VWA5B1: variants seen among roughly 807,000 people sequenced by gnomAD.
VWA5B1 encodes von Willebrand factor A domain-containing protein 5B1.
A neutral mutation model predicts 118.2 loss-of-function variants in VWA5B1; 115 were observed. That is an observed-to-expected ratio of 0.97 (90% CI 0.84 to 1.14). The LOEUF is 1.14. VWA5B1 is among the 50% of genes most tolerant of loss of function. VWA5B1 has a pLI of 0.00. For missense variants in VWA5B1, 1,596 were observed against 1,603.8 expected (o/e 1.00, Z 0.08); for synonymous variants, 682 against 658.4 (o/e 1.04, Z -0.55).
At chr1:20,330,083 G>C in intron 9 of VWA5B1, 97 bp from the exon 10 acceptor site, 1 of 1,384,142 alleles carries the variant, frequency 7.2e-7, no homozygotes, top group Non-Finnish European at 9.9e-7. Context: ...CTCTGGTGAG[G>C]CTAAAAGAAG....
chr1:20,295,644 C>G (rs1413987734), intron 1 of VWA5B1, among the ~76,000 whole-genome samples: 1 of 152,194 alleles, frequency 6.6e-6, no homozygotes, highest in Admixed American at 6.5e-5. Context: ...CAAGAGGTTC[C>G]TTCCCTGGGT....
chr1:20,326,537 C>T (rs925268019), intron 8 of VWA5B1, among the ~76,000 whole-genome samples: 5 of 152,116 alleles, frequency 3.3e-5, no homozygotes, highest in South Asian at 2.1e-4. Flanking sequence ...GTGATCTCGG[C>T]TCACTGCAGC....
At chr1:20,323,332 T>G (rs1041944088) in intron 7 of VWA5B1, 24 bp from the exon 8 acceptor site, 2 of 1,426,676 alleles carry the variant, frequency 1.4e-6, no homozygotes, top group Middle Eastern at 1.8e-4. Flanking sequence ...GATTGCCCAA[T>G]CAGAGTGTTC....
In VWA5B1 at chr1:20,355,912, G is replaced by C. The variant is rs2090222441; in HGVS notation, c.*1649G>C. ...TGCCTTGTGGACTGGCTCTGCTTCA[G>C]ACTTACCCTCTGGGGAGGAACCCAG... On this transcript the variant is annotated 3_prime_UTR_variant, in exon 22 of 22. Coordinates refer to ENST00000289815, the MANE Select transcript of VWA5B1 (RefSeq NM_001039500.3). 6.6e-6 allele frequency among the ~76,000 whole-genome samples: 1 copy of C among 151,676 alleles called. No homozygotes were observed. Among genetic ancestry groups the C allele is most frequent in the African/African-American group, 2.4e-5 (1 of 41,272 alleles).
At chr1:20,297,085 T>C (rs1473387488) in intron 1 of VWA5B1, among the ~76,000 whole-genome samples, 46 of 152,216 alleles carry the variant, frequency 3.0e-4, no homozygotes, top group Admixed American at 3.0e-3. Context: ...TATACAAAGA[T>C]CTCTGTCTTC....
rs545267435 is a variant in VWA5B1 at position 20,316,313 on chromosome 1, G to A, written c.564-1217G>A. On this transcript the variant is annotated intron_variant, in intron 4 of 21. Coordinates refer to ENST00000289815, the MANE Select transcript of VWA5B1 (RefSeq NM_001039500.3). ...CACGGACAGGGATATTCATGGTGGCGTTATTTGTGGATGCAGGGAGGCCGA... is the reference window on the plus strand; with the variant it reads ...CACGGACAGGGATATTCATGGTGGCATTATTTGTGGATGCAGGGAGGCCGA... Among the ~76,000 whole-genome samples, 425 of 152,270 alleles carry A rather than the reference G, an allele frequency of 2.8e-3. 4 individuals are homozygous for A. The highest frequency in any genetic ancestry group is 9.8e-3 in the African/African-American group (408 of 41,536).
intron 2 of VWA5B1, 91 bp from the exon 3 acceptor site, chr1:20,312,745 A>T (rs1307111424): frequency 7.1e-7 from 1 of 1,417,272 alleles, no homozygotes; most frequent in Non-Finnish European, 9.3e-7. Context: ...GCACCACCCA[A>T]CAGGCAGACC....
At chr1:20,342,316 G>C in intron 14 of VWA5B1, 116 bp from the exon 15 acceptor site, 4 of 1,096,758 alleles carry the variant, frequency 3.6e-6, no homozygotes, top group Non-Finnish European at 3.9e-6. Flanking sequence ...GGTGGGGTGG[G>C]GGTGGGGGAG....
intron 6 of VWA5B1, 103 bp downstream of exon 6, chr1:20,318,824 C>G: frequency 7.1e-7 from 1 of 1,402,984 alleles, no homozygotes; most frequent in Non-Finnish European, 9.3e-7. Context: ...GCTAGCTAGC[C>G]AGGGAAAGAG....
chr1:20,295,625 A>T (rs1411906730), intron 1 of VWA5B1, among the ~76,000 whole-genome samples: 1 of 151,952 alleles, frequency 6.6e-6, no homozygotes, highest in East Asian at 1.9e-4. Context: ...TGGGCACAGG[A>T]CTCTCTGCCA....
chr1:20,304,091 G>A (rs940858648), intron 1 of VWA5B1, among the ~76,000 whole-genome samples: 1 of 152,194 alleles, frequency 6.6e-6, no homozygotes, highest in African/African-American at 2.4e-5. Flanking sequence ...ACAGTCCAGG[G>A]AGCTGGAACA....
intron 1 of VWA5B1, among the ~76,000 whole-genome samples, chr1:20,308,505 A>AG: frequency 6.6e-6 from 1 of 151,996 alleles, no homozygotes; most frequent in Admixed American, 6.6e-5. Context: ...GAACATTGGG[A>AG]GGGGGGATGT....
At chr1:20,321,411 C>T (rs1274566272) in intron 7 of VWA5B1, among the ~76,000 whole-genome samples, 1 of 152,072 alleles carries the variant, frequency 6.6e-6, no homozygotes, top group Non-Finnish European at 1.5e-5. Flanking sequence ...ATGGCGAAAC[C>T]CCGTCTCTAC....
chr1:20,297,866 A>C (rs1342501374), intron 1 of VWA5B1, among the ~76,000 whole-genome samples: 2 of 152,158 alleles, frequency 1.3e-5, no homozygotes, highest in Non-Finnish European at 2.9e-5. Context: ...TTAAAATGGG[A>C]TAATAATCCG....
rs1017637938 is a variant in VWA5B1 at position 20,330,885 on chromosome 1, A to G, written c.1474A>G (p.Ile492Val). 6.4e-7 allele frequency: 1 copy of G among 1,551,618 alleles called. No individual in the cohort carries two copies. Among genetic ancestry groups the G allele is most frequent in the African/African-American group, 1.4e-5 (1 of 73,046 alleles). Residue 492 changes from isoleucine to valine, a missense_variant, in exon 11 of 22, where the codon ATT becomes GTT. Ile to Val is a conservative substitution (Grantham distance 29). Transcript: ENST00000289815. ...TTCCGCCAGGTGCTATAGCTTTGGAATTGGACCCAACGTCTGCCACAGACT... is the reference window on the plus strand; with the variant it reads ...TTCCGCCAGGTGCTATAGCTTTGGAGTTGGACCCAACGTCTGCCACAGACT... ...AFSTRCYSFGIGPNVCHRLVK... is the reference protein window; with the variant it reads ...AFSTRCYSFGVGPNVCHRLVK...
At chr1:20,318,448 C>T in intron 5 of VWA5B1, 142 bp from the exon 6 acceptor site, 1 of 1,207,008 alleles carries the variant, frequency 8.3e-7, no homozygotes, top group South Asian at 1.3e-5. Context: ...GCAGCCTGGC[C>T]ATGGTCACAC....
chr1:20,330,641 G>T (rs1190724646), intron 10 of VWA5B1, among the ~76,000 whole-genome samples: 1 of 152,242 alleles, frequency 6.6e-6, no homozygotes, highest in Non-Finnish European at 1.5e-5. Context: ...CAAGGGAGAG[G>T]CTGCTCCCGC....
chr1:20,292,370 G>A (rs2088328268), intron 1 of VWA5B1, among the ~76,000 whole-genome samples: 1 of 152,188 alleles, frequency 6.6e-6, no homozygotes. Context: ...GAGGCCACGA[G>A]GCTCTGTGGT....
At chr1:20,335,080 A>G (rs184716246) in intron 12 of VWA5B1, among the ~76,000 whole-genome samples, 51 of 152,200 alleles carry the variant, frequency 3.4e-4, no homozygotes, top group African/African-American at 1.2e-3. Flanking sequence ...AGGCCAAGGT[A>G]GGTGCCTGGC....
Sources: allele counts gnomAD v4.1 joint callset (sites outside exome capture counted in the v4.1 genomes callset), GRCh38; gene constraint gnomAD v4.1.1; transcripts MANE v1.5; gene names NCBI Gene and HGNC (gene_info 2026-07-23, HGNC 2026-07-21).